STAU2: variants seen among roughly 807,000 people sequenced by gnomAD.
STAU2 encodes staufen double-stranded RNA binding protein 2, also known as double-stranded RNA-binding protein Staufen homolog 2.
Under a neutral mutation model 65.9 loss-of-function variants are expected in STAU2, and 20 were observed. The ratio of observed to expected loss-of-function variants is 0.30; its 90% confidence interval spans 0.21 to 0.44. The LOEUF is 0.44. STAU2 is among the 20% of genes least tolerant of loss of function. STAU2 has a pLI of 1.00. For synonymous variants in STAU2, 232 were observed against 233.9 expected (o/e 0.99, Z 0.07); for missense variants, 558 against 683.9 (o/e 0.82, Z 2.05).
At chr8:73,697,901 G>A (rs1300672557) in intron 4 of STAU2, among the ~76,000 whole-genome samples, 1 of 151,988 alleles carries the variant, frequency 6.6e-6, no homozygotes, top group Admixed American at 6.6e-5. Flanking sequence ...CCATCACGGT[G>A]AAACCCCATC....
At chr8:73,682,952 G>A (rs1818536564) in intron 5 of STAU2, among the ~76,000 whole-genome samples, 1 of 151,900 alleles carries the variant, frequency 6.6e-6, no homozygotes, top group African/African-American at 2.4e-5. Flanking sequence ...CAGCAAGACT[G>A]AAATGGTAAT....
chr8:73,581,203 C>T (rs1386422394), intron 12 of STAU2, among the ~76,000 whole-genome samples: 1 of 152,012 alleles, frequency 6.6e-6, no homozygotes, highest in Non-Finnish European at 1.5e-5. Flanking sequence ...ATGATGGAGC[C>T]TGCAGGTTAT....
chr8:73,556,601 C>CA (rs1375910856), intron 12 of STAU2, among the ~76,000 whole-genome samples: 3 of 152,044 alleles, frequency 2.0e-5, no homozygotes, highest in African/African-American at 7.2e-5. Context: ...ACTAAAAATA[C>CA]AAAAAATTAG....
chr8:73,710,761 A>T (rs1443952028), intron 3 of STAU2, among the ~76,000 whole-genome samples: 1 of 152,010 alleles, frequency 6.6e-6, no homozygotes, highest in African/African-American at 2.4e-5. Context: ...TTTAAAATCT[A>T]AGCATAAAAC....
intron 3 of STAU2, among the ~76,000 whole-genome samples, chr8:73,720,997 T>C (rs558326561): frequency 6.6e-6 from 1 of 150,886 alleles, no homozygotes; most frequent in Non-Finnish European, 1.5e-5. Context: ...ACTTGTTTCA[T>C]GGCCAGGCAC....
upstream of STAU2, chr8:73,747,448 C>T (rs1214825277): frequency 5.9e-6 from 9 of 1,534,700 alleles, no homozygotes; most frequent in East Asian, 1.7e-4. Flanking sequence ...CATCCCGCGT[C>T]TGCTCCGGCC....
chr8:73,584,976 C>A (rs1810255483), intron 11 of STAU2, among the ~76,000 whole-genome samples: 1 of 152,160 alleles, frequency 6.6e-6, no homozygotes, highest in African/African-American at 2.4e-5. Flanking sequence ...ATTCATACCT[C>A]CAAAACATAG....
intron 13 of STAU2, among the ~76,000 whole-genome samples, chr8:73,467,223 T>G (rs1819704226): frequency 6.6e-6 from 1 of 152,158 alleles, no homozygotes; most frequent in African/African-American, 2.4e-5. Context: ...TAAATATTAG[T>G]TGAGTTAATA....
At chr8:73,688,357 G>C (rs1036798679) in intron 5 of STAU2, among the ~76,000 whole-genome samples, 2 of 151,296 alleles carry the variant, frequency 1.3e-5, no homozygotes, top group Non-Finnish European at 2.9e-5. Flanking sequence ...GTAGAGACAG[G>C]GTTTCACCAT....
At chr8:73,734,572 G>C (rs1328526681) in intron 3 of STAU2, among the ~76,000 whole-genome samples, 1 of 152,178 alleles carries the variant, frequency 6.6e-6, no homozygotes, top group East Asian at 1.9e-4. Flanking sequence ...AAGGCAGGCA[G>C]ACCACGAGGT....
intron 13 of STAU2, among the ~76,000 whole-genome samples, chr8:73,488,274 C>T (rs980140358): frequency 1.3e-5 from 2 of 151,954 alleles, no homozygotes; most frequent in African/African-American, 2.4e-5. Flanking sequence ...ATTTTTACAG[C>T]GCTTTTGACA....
chr8:73,479,100 C>T (rs1291290272), intron 13 of STAU2, among the ~76,000 whole-genome samples: 1 of 152,096 alleles, frequency 6.6e-6, no homozygotes, highest in East Asian at 1.9e-4. Context: ...CCCACTCCCC[C>T]AACCCCTGGA....
At chr8:73,707,265 A>C (rs890986203) in intron 4 of STAU2, among the ~76,000 whole-genome samples, 6 of 152,234 alleles carry the variant, frequency 3.9e-5, no homozygotes, top group African/African-American at 1.4e-4. Context: ...ATGGATCTGC[A>C]GTATGAAAGG....
intron 13 of STAU2, among the ~76,000 whole-genome samples, chr8:73,504,016 T>C (rs1368035024): frequency 6.6e-6 from 1 of 152,104 alleles, no homozygotes; most frequent in East Asian, 1.9e-4. Flanking sequence ...GCAACTGATG[T>C]CAATATTAAA....
At chr8:73,510,334 T>C (rs1389067580) in intron 13 of STAU2, among the ~76,000 whole-genome samples, 2 of 152,086 alleles carry the variant, frequency 1.3e-5, no homozygotes, top group African/African-American at 4.8e-5. Flanking sequence ...CCTCCCAAAG[T>C]GCTGGGATTA....
At chr8:73,703,360 C>A (rs1192807307) in intron 4 of STAU2, among the ~76,000 whole-genome samples, 1 of 152,064 alleles carries the variant, frequency 6.6e-6, no homozygotes, top group African/African-American at 2.4e-5. Flanking sequence ...CTGAGGCCCC[C>A]CCAAAAGCAG....
chr8:73,692,017 G>A (rs372574651), intron 4 of STAU2, among the ~76,000 whole-genome samples: 3 of 152,098 alleles, frequency 2.0e-5, no homozygotes, highest in African/African-American at 7.2e-5. Flanking sequence ...GGAAAGAGGG[G>A]CTGGAGACTG....
intron 6 of STAU2, among the ~76,000 whole-genome samples, chr8:73,624,721 A>G (rs1163553908): frequency 6.6e-6 from 1 of 152,204 alleles, no homozygotes; most frequent in Non-Finnish European, 1.5e-5. Context: ...TGAACACTAT[A>G]AACTGCAGAA....
chr8:73,701,623 T>C (rs1412043414), intron 4 of STAU2, among the ~76,000 whole-genome samples: 2 of 152,204 alleles, frequency 1.3e-5, no homozygotes, highest in East Asian at 1.9e-4. Context: ...CCCTCATACG[T>C]TGTTAGCAAG....
Sources: gnomAD v4.1 joint callset for allele counts (sites outside exome capture counted in the v4.1 genomes callset) on GRCh38, gnomAD v4.1.1 for gene constraint, MANE v1.5 for transcripts, NCBI Gene and HGNC (gene_info 2026-07-23, HGNC 2026-07-21) for gene names.